MKLN1: variants seen among roughly 807,000 people sequenced by gnomAD.
MKLN1 encodes the protein muskelin.
In MKLN1, 18 loss-of-function variants were observed where a neutral mutation model predicts 99.0. That is an observed-to-expected ratio of 0.18 (90% CI 0.13 to 0.27). The LOEUF (loss-of-function observed/expected upper bound fraction) is 0.27, where lower values mean the gene tolerates loss of function less well. Among genes scored for constraint, MKLN1 ranks in the 10% least tolerant of loss-of-function variants. The pLI, the probability that MKLN1 is intolerant of heterozygous loss-of-function variation, is 1.00. For synonymous variants in MKLN1, 288 were observed against 293.2 expected, an observed-to-expected ratio of 0.98 and a Z score of 0.18; for missense variants, 621 against 875.9, an observed-to-expected ratio of 0.71 and a Z score of 3.67.
At chr7:131,482,654 A>T (rs1483228022) in intron 17 of MKLN1, among the ~76,000 whole-genome samples, 1 of 152,196 alleles carries the variant, frequency 6.6e-6, no homozygotes, top group Admixed American at 6.5e-5. Context: ...TCTTGAGCCC[A>T]GGAGTTTGAA....
intron 3 of MKLN1, among the ~76,000 whole-genome samples, chr7:131,204,287 T>C (rs188731406): frequency 7.9e-5 from 12 of 152,180 alleles, no homozygotes; most frequent in Admixed American, 2.0e-4. Flanking sequence ...AGCTTTGGGG[T>C]TTTCTTTTAT....
chr7:131,450,914 C>T (rs1796159118), intron 12 of MKLN1, among the ~76,000 whole-genome samples: 1 of 151,928 alleles, frequency 6.6e-6, no homozygotes, highest in Admixed American at 6.5e-5. Flanking sequence ...AGCTGAAATA[C>T]ACAGACTTGT....
intron 2 of MKLN1, among the ~76,000 whole-genome samples, chr7:131,166,320 G>A (rs1005669884): frequency 1.3e-5 from 2 of 152,068 alleles, no homozygotes; most frequent in Non-Finnish European, 1.5e-5. Context: ...GTTTGATTTC[G>A]AGCACATTTA....
At chr7:131,288,976 TA>T (rs544413177) in intron 3 of MKLN1, among the ~76,000 whole-genome samples, 7,177 of 150,236 alleles carry the variant, frequency 0.048, 355 homozygotes, top group African/African-American at 0.13. Context: ...AGCCTTCTTT[TA>T]AAAAAAAAAA....
intron 2 of MKLN1, among the ~76,000 whole-genome samples, chr7:131,192,251 TA>T (rs1796570992): frequency 1.1e-5 from 1 of 91,556 alleles, no homozygotes; most frequent in African/African-American, 5.0e-5. Flanking sequence ...ATATAAAATA[TA>T]ATATATACAA....
chr7:131,437,911 C>A lies in MKLN1; in HGVS notation c.1087C>A (p.Arg363Ser). 1 of 1,613,784 alleles carries A rather than the reference C, an allele frequency of 6.2e-7. No homozygotes were observed. ...NSKSLKSDFY[R>S]YDIDTNTWML... ...CAAATCTCTGAAAAGTGACTTCTAT[C>A]GTTATGACATTGATACAAACACATG... The change falls in exon 10 of 18, where the codon CGT becomes AGT. Residue 363 changes from arginine to serine, a missense_variant. Coordinates refer to ENST00000352689, the MANE Select transcript of MKLN1 (RefSeq NM_013255.5).
chr7:131,254,194 C>CT (rs1797623797), intron 3 of MKLN1, among the ~76,000 whole-genome samples: 1 of 152,314 alleles, frequency 6.6e-6, no homozygotes, highest in African/African-American at 2.4e-5. Flanking sequence ...ATGACCAACC[C>CT]TGTACCTTTT....
At chr7:131,429,774 G>T (rs1390639661) in intron 9 of MKLN1, among the ~76,000 whole-genome samples, 1 of 152,054 alleles carries the variant, frequency 6.6e-6, no homozygotes, top group African/African-American at 2.4e-5. Flanking sequence ...TAGAGACGGG[G>T]TTTCACCATG....
chr7:131,461,959 A>G (rs531268367), intron 12 of MKLN1, among the ~76,000 whole-genome samples: 1 of 152,350 alleles, frequency 6.6e-6, no homozygotes, highest in Admixed American at 6.5e-5. Context: ...ATAAAAATAC[A>G]GCATTATTAA....
intron 3 of MKLN1, among the ~76,000 whole-genome samples, chr7:131,231,044 T>C (rs1383977766): frequency 2.4e-5 from 3 of 126,650 alleles, no homozygotes; most frequent in Admixed American, 1.1e-4. Context: ...CGTTTGAACC[T>C]GGGAGGCCGA....
chr7:131,140,132 T>C (rs1362215942), intron 1 of MKLN1, among the ~76,000 whole-genome samples: 2 of 152,238 alleles, frequency 1.3e-5, no homozygotes, highest in Non-Finnish European at 2.9e-5. Context: ...CCCTGCTCTC[T>C]GCCAAACTGG....
At chr7:131,248,526 A>G (rs1164397711) in intron 3 of MKLN1, among the ~76,000 whole-genome samples, 3 of 152,206 alleles carry the variant, frequency 2.0e-5, no homozygotes, top group Non-Finnish European at 4.4e-5. Context: ...TTCTCATTTA[A>G]TGGATCTTTT....
In MKLN1 at chr7:131,126,108, G is replaced by T. The variant is rs149997253; in HGVS notation, c.-419+15901G>T. On this transcript the variant is annotated intron_variant, in intron 1 of 7. Coordinates refer to the MKLN1 transcript ENST00000416992. The stretch of plus-strand genomic sequence containing the variant: ...AAAGATTAAAAAGATCAATCTGGTT[G>T]TTCTGGAAGTGTTCAATTAAGCTTG... Among the ~76,000 whole-genome samples the T allele has an allele frequency of 2.6e-4, 40 of 151,836 alleles. No individual in the cohort carries two copies. In the East Asian group the frequency reaches 7.7e-3, roughly 29 times the overall value.
intron 1 of MKLN1, among the ~76,000 whole-genome samples, chr7:131,361,291 A>G (rs1029263587): frequency 2.0e-5 from 3 of 151,578 alleles, no homozygotes; most frequent in African/African-American, 7.3e-5. Context: ...TTTTATTTTA[A>G]AAAATAGTTT....
At chr7:131,472,689 G>C (rs1042166904) in intron 16 of MKLN1, among the ~76,000 whole-genome samples, 4 of 151,990 alleles carry the variant, frequency 2.6e-5, no homozygotes, top group Non-Finnish European at 5.9e-5. Context: ...GGTGGCTCAC[G>C]CCTGTAATCC....
At chr7:131,248,530 AT>A (rs1797530619) in intron 3 of MKLN1, among the ~76,000 whole-genome samples, 2 of 152,176 alleles carry the variant, frequency 1.3e-5, no homozygotes, top group Admixed American at 6.5e-5. Flanking sequence ...CATTTAATGG[AT>A]CTTTTGCTTA....
chr7:131,473,052 A>C (rs1796870830), intron 16 of MKLN1, among the ~76,000 whole-genome samples: 1 of 152,080 alleles, frequency 6.6e-6, no homozygotes, highest in Non-Finnish European at 1.5e-5. Flanking sequence ...TGACATTGAG[A>C]ATTACTGGTC....
intron 9 of MKLN1, among the ~76,000 whole-genome samples, chr7:131,436,537 A>G (rs948635520): frequency 6.6e-6 from 1 of 152,210 alleles, no homozygotes; most frequent in Non-Finnish European, 1.5e-5. Context: ...CTGGTACACA[A>G]GGGCGTAGAT....
At chr7:131,416,612 T>C (rs1795022555) in intron 8 of MKLN1, among the ~76,000 whole-genome samples, 1 of 152,040 alleles carries the variant, frequency 6.6e-6, no homozygotes, top group South Asian at 2.1e-4. Context: ...CTATAATATT[T>C]TTGTTTTATG....
Sources: gnomAD v4.1 joint callset for allele counts (sites outside exome capture counted in the v4.1 genomes callset) on GRCh38, gnomAD v4.1.1 for gene constraint, MANE v1.5 for transcripts, NCBI Gene and HGNC (gene_info 2026-07-23, HGNC 2026-07-21) for gene names.